Variants in PIBF1 observed in about 807,000 individuals in gnomAD.
The protein encoded by PIBF1 is progesterone-induced-blocking factor 1.
In PIBF1, 90 loss-of-function variants were observed where a neutral mutation model predicts 112.5. That is an observed-to-expected ratio of 0.80 (90% CI 0.67 to 0.95). The LOEUF is 0.95. Ranked by LOEUF, PIBF1 falls within the 40% of genes least tolerant of loss-of-function variation. The pLI, the probability that PIBF1 is intolerant of heterozygous loss-of-function variation, is 0.00. For synonymous variants in PIBF1, 301 were observed against 288.6 expected (o/e 1.04, Z -0.44); for missense variants, 915 against 852.3 (o/e 1.07, Z -0.92).
chr13:72,821,749 A>G (rs1401935582), intron 5 of PIBF1, 100 bp from the exon 6 acceptor site: 3 of 806,646 alleles, frequency 3.7e-6, no homozygotes, highest in Non-Finnish European at 5.4e-6. Flanking sequence ...CTGTTTAATT[A>G]CAAGGACAAT....
chr13:72,920,546 G>A (rs985323803), intron 13 of PIBF1, among the ~76,000 whole-genome samples: 2 of 152,186 alleles, frequency 1.3e-5, no homozygotes, highest in Non-Finnish European at 2.9e-5. Context: ...GAAAGCGGTG[G>A]CTTTGCGCTC....
At chr13:72,822,573 G>C (rs1259551958) in intron 6 of PIBF1, among the ~76,000 whole-genome samples, 1 of 151,974 alleles carries the variant, frequency 6.6e-6, no homozygotes, top group Non-Finnish European at 1.5e-5. Flanking sequence ...TATAAACTAA[G>C]ATCAAATAAA....
intron 6 of PIBF1, among the ~76,000 whole-genome samples, chr13:72,823,248 T>C (rs2036645145): frequency 6.6e-6 from 1 of 152,220 alleles, no homozygotes; most frequent in Non-Finnish European, 1.5e-5. Context: ...GTCATCAGAA[T>C]AATCCATCGG....
At chr13:72,998,684 T>A in intron 16 of PIBF1, 138 bp from the exon 17 acceptor site, 1 of 597,284 alleles carries the variant, frequency 1.7e-6, no homozygotes. Flanking sequence ...TGCATGATTC[T>A]AATTACTATT....
At chr13:73,013,215 G>A (rs1049381608) in intron 17 of PIBF1, among the ~76,000 whole-genome samples, 19 of 150,432 alleles carry the variant, frequency 1.3e-4, no homozygotes, top group Middle Eastern at 3.5e-3. Flanking sequence ...GCAGGAGAAT[G>A]GCGTGAACCC....
chr13:72,952,795 G>A (rs1281153274), intron 14 of PIBF1, among the ~76,000 whole-genome samples: 6 of 150,978 alleles, frequency 4.0e-5, no homozygotes, highest in African/African-American at 1.5e-4. Context: ...GTAGTGATGT[G>A]CTGGATTTGT....
At chr13:73,006,418 C>A (rs980584781) in intron 17 of PIBF1, among the ~76,000 whole-genome samples, 1 of 152,116 alleles carries the variant, frequency 6.6e-6, no homozygotes, top group Non-Finnish European at 1.5e-5. Context: ...TTTTGGTGAG[C>A]ATGGAACGAA....
intron 10 of PIBF1, among the ~76,000 whole-genome samples, chr13:72,870,186 A>G (rs111945661): frequency 0.022 from 3,347 of 152,298 alleles, 134 homozygotes; most frequent in African/African-American, 0.076. Context: ...TGTGAGAATT[A>G]AGTCTCCATA....
chr13:72,863,349 C>T (rs972159432), intron 10 of PIBF1, among the ~76,000 whole-genome samples: 7 of 151,976 alleles, frequency 4.6e-5, no homozygotes, highest in Admixed American at 4.6e-4. Context: ...AAATTTTTTC[C>T]ACATTAATAA....
At position 72,965,373 on chromosome 13, in the gene PIBF1, G is replaced by T. The variant is rs1164225212; in HGVS notation, c.1933G>T (p.Glu645Ter). ...QRDSKIDSLTESIAQLEKDVS... is the reference protein window; with the variant it reads ...QRDSKIDSLT ...AGATTCTAAGATTGATTCACTGACGGAATCTATTGCACAACTTGAGAAAGA... is the reference window on the plus strand; with the variant it reads ...AGATTCTAAGATTGATTCACTGACGTAATCTATTGCACAACTTGAGAAAGA... The change falls in exon 15 of 18, where the codon GAA becomes TAA. Residue 645 changes from glutamate (E) to a stop codon, truncating the protein, a stop_gained. Transcript: ENST00000326291. LOFTEE classifies it high-confidence loss of function. 2 of 1,610,732 alleles carry T rather than the reference G, an allele frequency of 1.2e-6. No individual in the cohort carries two copies. The highest frequency in any genetic ancestry group is 1.1e-5 in the South Asian group (1 of 90,580).
At chr13:72,918,566 T>C (rs1357768432) in intron 13 of PIBF1, among the ~76,000 whole-genome samples, 1 of 151,706 alleles carries the variant, frequency 6.6e-6, no homozygotes, top group Non-Finnish European at 1.5e-5. Flanking sequence ...TTTTGTATTT[T>C]TAGTAGAGAT....
chr13:72,946,967 C>T (rs1487997015), intron 14 of PIBF1, among the ~76,000 whole-genome samples: 2 of 152,140 alleles, frequency 1.3e-5, no homozygotes, highest in East Asian at 1.9e-4. Context: ...AGACGGTGGC[C>T]GTCTTCTCAC....
In PIBF1 at chr13:72,954,772, G is replaced by T. The variant is rs78841390; in HGVS notation, c.1834-10502G>T. Among the ~76,000 whole-genome samples, 13 of 152,230 alleles carry T rather than the reference G, an allele frequency of 8.5e-5. No homozygotes were observed. The East Asian group carries it at 2.5e-3, about 29-fold the overall frequency. On this transcript the variant is annotated intron_variant, in intron 14 of 17. Coordinates refer to ENST00000326291, the MANE Select transcript of PIBF1 (RefSeq NM_006346.4). Reference sequence around the variant, plus strand: ...CACCACTTCTTTTAAAGGATCTGTGGTTTTTTTCAGTTCTTCTGTTAAATT... The same window carrying T: ...CACCACTTCTTTTAAAGGATCTGTGTTTTTTTTCAGTTCTTCTGTTAAATT...
intron 17 of PIBF1, among the ~76,000 whole-genome samples, chr13:73,011,410 C>T (rs376235947): frequency 6.6e-6 from 1 of 151,344 alleles, no homozygotes; most frequent in Middle Eastern, 3.2e-3. Flanking sequence ...GAGAAAAATC[C>T]CCTTCCGTTT....
chr13:72,828,001 G>A (rs2036902788), intron 8 of PIBF1, 87 bp downstream of exon 8: 2 of 856,970 alleles, frequency 2.3e-6, no homozygotes, highest in Admixed American at 3.4e-5. Flanking sequence ...AAGATTTAGT[G>A]ATTTTTTTAA....
intron 13 of PIBF1, among the ~76,000 whole-genome samples, chr13:72,921,194 T>G (rs911107062): frequency 6.6e-6 from 1 of 152,108 alleles, no homozygotes; most frequent in African/African-American, 2.4e-5. Flanking sequence ...CCTCTGCCTC[T>G]CAGGTTCAAG....
Position 72,988,938 on chromosome 13 carries a change from T to G in PIBF1, c.2050-9884T>G, listed in dbSNP as rs1290373191. Among the ~76,000 whole-genome samples the G allele has an allele frequency of 2.0e-5, 3 of 152,248 alleles. No homozygotes were observed. In the South Asian group the frequency reaches 6.2e-4, roughly 32 times the overall value. On this transcript the variant is annotated intron_variant, in intron 16 of 17. Transcript: ENST00000326291. Reference sequence around the variant, plus strand: ...TTGTAATCCCAGGTACTCAGGAGGCTGAGGCAGGAGAATCACTTGAACCCA... The same window carrying G: ...TTGTAATCCCAGGTACTCAGGAGGCGGAGGCAGGAGAATCACTTGAACCCA...
Position 72,931,268 on chromosome 13 carries a change from G to A in PIBF1, c.1833+1G>A, listed in dbSNP as rs774170383. ...CCAAGTAACACAGCTTTCACAAGAG[G>A]TAAATAACTTAAAGAAACCCATATG... is the stretch of plus-strand genomic sequence containing the variant. On this transcript the variant is annotated splice_donor_variant, in intron 14 of 17. Transcript: ENST00000326291. LOFTEE classifies it high-confidence loss of function. 6.4e-7 allele frequency: 1 copy of A among 1,561,236 alleles called. No homozygotes were observed. The highest frequency in any genetic ancestry group is 8.8e-7 in the Non-Finnish European group (1 of 1,135,692).
At chr13:73,005,996 T>C (rs2044022290) in intron 17 of PIBF1, among the ~76,000 whole-genome samples, 1 of 149,074 alleles carries the variant, frequency 6.7e-6, no homozygotes, top group Non-Finnish European at 1.5e-5. Flanking sequence ...CTCGGCTCAC[T>C]GCAACCTCCG....
Sources: allele counts gnomAD v4.1 joint callset (sites outside exome capture counted in the v4.1 genomes callset), GRCh38; gene constraint gnomAD v4.1.1; transcripts MANE v1.5; gene names NCBI Gene and HGNC (gene_info 2026-07-23, HGNC 2026-07-21).